RPP38: variants seen among roughly 807,000 people sequenced by gnomAD.
The protein encoded by RPP38 is ribonuclease P protein subunit p38.
Under a neutral mutation model 1.7 loss-of-function variants are expected in RPP38, and 2 were observed. The observed-to-expected ratio is 1.18, with a 90% CI of 0.48 to 3.70. The LOEUF (loss-of-function observed/expected upper bound fraction) is 3.70. Among genes scored for constraint, RPP38 ranks in the 30% most tolerant of loss-of-function variants. The pLI is 0.07. For missense variants in RPP38, 358 were observed against 340.1 expected, an observed-to-expected ratio of 1.05 and a Z score of -0.41; for synonymous variants, 151 against 131.8, an observed-to-expected ratio of 1.15 and a Z score of -1.00.
At chr10:15,101,638 C>G (rs1014619529) in intron 1 of RPP38, among the ~76,000 whole-genome samples, 6 of 152,170 alleles carry the variant, frequency 3.9e-5, no homozygotes, top group South Asian at 2.1e-4. Flanking sequence ...TTCCTGTAAT[C>G]CCAGCACTCT....
intron 1 of RPP38, among the ~76,000 whole-genome samples, chr10:15,101,659 G>A (rs1024233913): frequency 6.6e-6 from 1 of 152,184 alleles, no homozygotes; most frequent in African/African-American, 2.4e-5. Flanking sequence ...GGGAAGCTGA[G>A]GTGGGTGAAT....
Position 15,103,628 on chromosome 10 carries a change from C to T in RPP38, c.314C>T (p.Thr105Met), listed in dbSNP as rs749496880. Residue 105 changes from threonine (T) to methionine (M), a missense_variant, in exon 3 of 3, where the codon ACG (threonine) becomes ATG (methionine). Physicochemically the swap from Thr to Met is moderately conservative, Grantham distance 81. Coordinates refer to ENST00000378197, the MANE Select transcript of RPP38 (RefSeq NM_183005.5). ...GCTAAGCAGCAAGTGTCAGGGTGGA[C>T]GCCTGCACACGTCAGGAAGCAGCTT... ...TDAKQQVSGW[T>M]PAHVRKQLAI... The T allele has an allele frequency of 7.2e-5, 116 of 1,614,014 alleles. No homozygotes were observed. The highest frequency in any genetic ancestry group is 9.4e-5 in the Non-Finnish European group (111 of 1,180,014).
At position 15,101,626 on chromosome 10, in the gene RPP38, C is replaced by T. The variant is rs559753482; in HGVS notation, c.-129-592C>T. 2.7e-4 allele frequency among the ~76,000 whole-genome samples: 41 copies of T among 152,258 alleles called. No homozygotes were observed. In the East Asian group the frequency reaches 7.5e-3, roughly 28 times the overall value. On this transcript the variant is annotated intron_variant, in intron 1 of 2. Transcript: ENST00000378197. Reference sequence around the variant, plus strand: ...GGAGGACTGGCCGGGAGTGGTGGCTCGTTCCTGTAATCCCAGCACTCTGGG... The same window carrying T: ...GGAGGACTGGCCGGGAGTGGTGGCTTGTTCCTGTAATCCCAGCACTCTGGG...
At position 15,103,863 on chromosome 10, in the gene RPP38, A is replaced by G; in HGVS notation, c.549A>G (p.Lys183=). ...GLKCVLALAF[K]KNTTDFVDEV... ...AATGTGTTCTAGCCTTGGCGTTCAAAAAGAACACCACTGACTTTGTGGACG... is the reference window on the plus strand; with the variant it reads ...AATGTGTTCTAGCCTTGGCGTTCAAGAAGAACACCACTGACTTTGTGGACG... The change falls in exon 3 of 3, where the codon AAA becomes AAG. Residue 183 remains lysine (K), a synonymous_variant. Coordinates refer to ENST00000378197, the MANE Select transcript of RPP38 (RefSeq NM_183005.5). 1.9e-6 allele frequency: 3 copies of G among 1,614,162 alleles called. No homozygotes were observed. The highest frequency in any genetic ancestry group is 2.5e-6 in the Non-Finnish European group (3 of 1,180,024).
At chr10:15,099,477 T>C (rs570198874) in intron 1 of RPP38, among the ~76,000 whole-genome samples, 1 of 72,954 alleles carries the variant, frequency 1.4e-5, no homozygotes, top group South Asian at 3.2e-4. Context: ...ATAGAATTTC[T>C]TTTTTTTTTT....
In RPP38 at chr10:15,103,569, T is replaced by TA. The variant is rs777705913; in HGVS notation, c.256dup (p.Ile86AsnfsTer2). On this transcript the variant is annotated frameshift_variant, in exon 3 of 3. Transcript: ENST00000378197. LOFTEE classifies it low-confidence loss of function (END_TRUNC). ...GAGAGAAATGCAGCATTGCTGTTGA[T>TA]ATTAGTGAGAATCTGAAGGAGAAGA... 1 of 1,614,074 alleles carries TA rather than the reference T, an allele frequency of 6.2e-7. No homozygotes were observed. Among genetic ancestry groups the TA allele is most frequent in the Admixed American group, 1.7e-5 (1 of 60,024 alleles).
intron 1 of RPP38, among the ~76,000 whole-genome samples, chr10:15,099,057 C>G (rs1845038175): frequency 8.5e-6 from 1 of 117,866 alleles, no homozygotes. Flanking sequence ...GGACTCTAAG[C>G]TCATGAGGTC....
chr10:15,103,115 C>T (rs1845164160), intron 2 of RPP38, 190 bp from the exon 3 acceptor site: 4 of 401,156 alleles, frequency 1.0e-5, no homozygotes, highest in Middle Eastern at 7.4e-4. Context: ...TCGCTTGAAC[C>T]CAGGAGGTGG....
Position 15,100,741 on chromosome 10 carries a change from C to T in RPP38, c.-129-1477C>T, listed in dbSNP as rs1353380465. On this transcript the variant is annotated intron_variant, in intron 1 of 2. Coordinates refer to ENST00000378197, the MANE Select transcript of RPP38 (RefSeq NM_183005.5). The stretch of plus-strand genomic sequence containing the variant: ...TGTCGCCCAGGCTAGAATGCAGTGG[C>T]GCGATCTTGACTCACTACAACCTCC... Among the ~76,000 whole-genome samples, 9 of 151,076 alleles carry T rather than the reference C, an allele frequency of 6.0e-5. No individual in the cohort carries two copies. The East Asian group carries it at 7.8e-4, about 13-fold the overall frequency.
In RPP38 at chr10:15,103,657, A is replaced by T. The variant is rs1203169085; in HGVS notation, c.343A>T (p.Ile115Phe). Reference protein sequence around the residue: ...TPAHVRKQLAIGVNEVTRALE... With the variant: ...TPAHVRKQLAFGVNEVTRALE... ...TGCACACGTCAGGAAGCAGCTTGCCATTGGCGTTAACGAAGTTACCAGAGC... is the reference window on the plus strand; with the variant it reads ...TGCACACGTCAGGAAGCAGCTTGCCTTTGGCGTTAACGAAGTTACCAGAGC... Residue 115 changes from isoleucine to phenylalanine, a missense_variant, in exon 3 of 3, where the codon ATT (isoleucine) becomes TTT (phenylalanine). By Grantham distance (21) the Ile-to-Phe change is conservative (BLOSUM62 0). Transcript: ENST00000378197. The T allele has an allele frequency of 2.5e-6, 4 of 1,614,102 alleles. No individual in the cohort carries two copies. The highest frequency in any genetic ancestry group is 1.6e-4 in the Middle Eastern group (1 of 6,062).
At position 15,098,719 on chromosome 10, in the gene RPP38, C is replaced by T. The variant is rs375769255; in HGVS notation, c.-130+953C>T. 1.3e-3 allele frequency among the ~76,000 whole-genome samples: 200 copies of T among 151,280 alleles called. 4 individuals carry two copies. The South Asian group carries it at 0.041, about 31-fold the overall frequency. On this transcript the variant is annotated intron_variant, in intron 1 of 2. Coordinates refer to ENST00000378197, the MANE Select transcript of RPP38 (RefSeq NM_183005.5). ...TGGCCAACATGGTGAAACCCCGTCT[C>T]TACTAAAAATACAAGAATTAGCCGG...
intron 2 of RPP38, chr10:15,102,608 A>T (rs891650346): frequency 2.0e-5 from 3 of 152,180 alleles, no homozygotes; most frequent in Admixed American, 6.6e-5. Flanking sequence ...GTAGAAACAG[A>T]ATATTTTTAA....
At position 15,103,959 on chromosome 10, in the gene RPP38, T is replaced by TG. The variant is rs762510670; in HGVS notation, c.649dup (p.Glu217GlyfsTer6). The TG allele has an allele frequency of 3.1e-6, 5 of 1,614,090 alleles. No homozygotes were observed. The South Asian group carries it at 5.5e-5, about 18-fold the overall frequency. On this transcript the variant is annotated frameshift_variant, in exon 3 of 3. Coordinates refer to ENST00000378197, the MANE Select transcript of RPP38 (RefSeq NM_183005.5). LOFTEE classifies it low-confidence loss of function (END_TRUNC). ...GGCTTCAAGACAGAATTGAAGATTC[T>TG]GGGGAAAATTTAGAGACTGAACCTC...
Position 15,104,099 on chromosome 10 carries a change from A to G in RPP38, c.785A>G (p.Lys262Arg). Residue 262 changes from lysine (K) to arginine (R), a missense_variant, in exon 3 of 3, where the codon AAG becomes AGG. By Grantham distance (26) the Lys-to-Arg change is conservative (BLOSUM62 2). Transcript: ENST00000378197. ...ASVTLQPLKIKKLIPNPNKIR... is the reference protein window; with the variant it reads ...ASVTLQPLKIRKLIPNPNKIR... Reference sequence around the variant, plus strand: ...GTAACATTACAACCCCTTAAAATAAAGAAACTGATTCCAAACCCTAATAAG... The same window carrying G: ...GTAACATTACAACCCCTTAAAATAAGGAAACTGATTCCAAACCCTAATAAG... 6.2e-7 allele frequency: 1 copy of G among 1,602,518 alleles called. No individual in the cohort carries two copies.
rs184040433 is a variant in RPP38 at position 15,102,897 on chromosome 10, C to T, written c.-10-408C>T. ...AGGCTTGCTCTAGCTTATCCAGAAT[C>T]AGAGTACAGGCCGGGCGCAGTGGCT... On this transcript the variant is annotated intron_variant, in intron 2 of 2. Transcript: ENST00000378197. 1,126 of 155,720 alleles carry T rather than the reference C, an allele frequency of 7.2e-3. 10 individuals are homozygous for T. Among genetic ancestry groups the T allele is most frequent in the Non-Finnish European group, 0.011 (787 of 70,344 alleles). 9.6% of individuals were successfully genotyped at this position (155,720 alleles called of 1,614,324 possible). A position where few individuals can be genotyped will look rare whatever the true frequency, so the allele number is the denominator to read the frequency against.
At chr10:15,102,766 C>T (rs1176621068) in intron 2 of RPP38, 2 of 152,256 alleles carry the variant, frequency 1.3e-5, no homozygotes, top group Non-Finnish European at 2.9e-5. Context: ...TTTAAAGAGC[C>T]TTCGTAGAGC....
At position 15,104,087 on chromosome 10, in the gene RPP38, C is replaced by A. The variant is rs1303469594; in HGVS notation, c.773C>A (p.Pro258His). 1 of 1,606,174 alleles carries A rather than the reference C, an allele frequency of 6.2e-7. No individual in the cohort carries two copies. The highest frequency in any genetic ancestry group is 8.5e-7 in the Non-Finnish European group (1 of 1,178,236). ...CGGCAGGCTTCTGTAACATTACAAC[C>A]CCTTAAAATAAAGAAACTGATTCCA... ...DGRQASVTLQPLKIKKLIPNP... is the reference protein window; with the variant it reads ...DGRQASVTLQHLKIKKLIPNP... The change falls in exon 3 of 3, where the codon CCC becomes CAC. Residue 258 changes from proline to histidine, a missense_variant. Physicochemically the swap from Pro to His is moderately conservative, Grantham distance 77 (BLOSUM62 -2). Transcript: ENST00000378197.
At chr10:15,097,954 C>T (rs1589268317) in intron 1 of RPP38, among the ~76,000 whole-genome samples, 188 bp downstream of exon 1, 1 of 152,262 alleles carries the variant, frequency 6.6e-6, no homozygotes, top group East Asian at 1.9e-4. Context: ...TTTCTCCAGT[C>T]CTTTCTGCGG....
rs569236455 is a variant in RPP38 at position 15,103,582 on chromosome 10, C to A, written c.268C>A (p.Leu90Met). Residue 90 changes from leucine (L) to methionine (M), a missense_variant, in exon 3 of 3, where the codon CTG (leucine) becomes ATG (methionine). Physicochemically the swap from Leu to Met is conservative, Grantham distance 15. Transcript: ENST00000378197. Reference sequence around the variant, plus strand: ...CATTGCTGTTGATATTAGTGAGAATCTGAAGGAGAAGAAAACAGATGCTAA... The same window carrying A: ...CATTGCTGTTGATATTAGTGAGAATATGAAGGAGAAGAAAACAGATGCTAA... The part of the protein sequence containing the change: ...CSIAVDISEN[L>M]KEKKTDAKQQ... 6.2e-7 allele frequency: 1 copy of A among 1,614,054 alleles called. No homozygotes were observed. Among genetic ancestry groups the A allele is most frequent in the African/African-American group, 1.3e-5 (1 of 75,030 alleles).
Sources: gnomAD v4.1 joint callset for allele counts (sites outside exome capture counted in the v4.1 genomes callset) on GRCh38, gnomAD v4.1.1 for gene constraint, MANE v1.5 for transcripts, NCBI Gene and HGNC (gene_info 2026-07-23, HGNC 2026-07-21) for gene names.